Variants in BMP1 observed in about 807,000 individuals in gnomAD.
The protein encoded by BMP1 is mammalian tolloid protein.
In BMP1, 63 loss-of-function variants were observed where a neutral mutation model predicts 116.8. The ratio of observed to expected loss-of-function variants is 0.54; its 90% CI spans 0.44 to 0.67. BMP1 has a LOEUF of 0.67. BMP1 is among the 30% of genes least tolerant of loss of function. BMP1 has a pLI of 0.00. For synonymous variants in BMP1, 536 were observed against 533.4 expected, an observed-to-expected ratio of 1.00 and a Z score of -0.07; for missense variants, 1,183 against 1,358.9, an observed-to-expected ratio of 0.87 and a Z score of 2.04.
chr8:22,169,481 GTGTT>G (rs1217717862), intron 1 of BMP1: 1 of 152,300 alleles, frequency 6.6e-6, no homozygotes, highest in Non-Finnish European at 1.5e-5. Flanking sequence ...GGTTGAGTGT[GTGTT>G]TGTGCATATG....
intron 16 of BMP1, among the ~76,000 whole-genome samples, chr8:22,203,260 G>A (rs1004425974): frequency 2.6e-5 from 4 of 151,918 alleles, no homozygotes; most frequent in East Asian, 1.9e-4. Flanking sequence ...TCCATGAAAC[G>A]ATAAAAAATG....
chr8:22,179,941 T>C lies in BMP1; in HGVS notation c.961+112T>C. ...TTAGGCTGCAAGTCTTAGAGAATGG[T>C]GTGGCGGGGGAGGGGACCCCATAGG... On this transcript the variant is annotated intron_variant, in intron 7 of 19. Coordinates refer to ENST00000306385, the MANE Select transcript of BMP1 (RefSeq NM_006129.5). This position sits in a 1 kb window ranked among gnomAD's most constrained non-coding sequence, Gnocchi z 4.6. 1 of 1,229,702 alleles carries C rather than the reference T, an allele frequency of 8.1e-7. No individual in the cohort carries two copies. The highest frequency in any genetic ancestry group is 1.1e-6 in the Non-Finnish European group (1 of 894,054). 76.2% of individuals were successfully genotyped at this position (1,229,702 alleles called of 1,614,324 possible).
chr8:22,168,816 T>G (rs2131837222), intron 1 of BMP1, among the ~76,000 whole-genome samples: 1 of 149,144 alleles, frequency 6.7e-6, no homozygotes, highest in Admixed American at 6.7e-5. Context: ...AAATTTGTAC[T>G]CTCCCTGGGC....
In BMP1 at chr8:22,195,531, A is replaced by T. The variant is rs772135700; in HGVS notation, c.1709A>T (p.Tyr570Phe). 6.2e-7 allele frequency: 1 copy of T among 1,612,692 alleles called. No homozygotes were observed. The highest frequency in any genetic ancestry group is 8.5e-7 in the Non-Finnish European group (1 of 1,179,760). The part of the protein sequence containing the change: ...EQRCLNTLGS[Y>F]KCSCDPGYEL... ...CGGTGCCTCAACACCCTGGGCAGCT[A>T]CAAGTGCAGCTGTGACCCCGGGTAC... Residue 570 changes from tyrosine (Y) to phenylalanine (F), a missense_variant, in exon 13 of 20, where the codon TAC (tyrosine) becomes TTC (phenylalanine). By Grantham distance (22) the Tyr-to-Phe change is conservative. Around this residue, in one of 4 missense-constraint regions of BMP1, gnomAD observed 956 missense variants for 1,135.2 expected, o/e 0.84. Coordinates refer to ENST00000306385, the MANE Select transcript of BMP1 (RefSeq NM_006129.5).
chr8:22,199,312 C>T (rs761223560), intron 15 of BMP1: 7 of 1,360,112 alleles, frequency 5.1e-6, no homozygotes, highest in Non-Finnish European at 6.9e-6. Flanking sequence ...AGACCCTAAG[C>T]CAAGAAGGAG....
intron 5 of BMP1, 121 bp downstream of exon 5, chr8:22,177,260 C>G (rs1828473532): frequency 9.3e-7 from 1 of 1,071,738 alleles, no homozygotes; most frequent in African/African-American, 1.6e-5. Context: ...GCCCGCAGCG[C>G]TGCCCACAGC....
chr8:22,183,420 C>A (rs542652683), intron 8 of BMP1, among the ~76,000 whole-genome samples: 6 of 152,154 alleles, frequency 3.9e-5, no homozygotes, highest in Admixed American at 2.6e-4. Flanking sequence ...TGTCTCAAAA[C>A]AACAACAAAA....
chr8:22,211,932 AG>A lies in BMP1; in HGVS notation c.*208del. 1.4e-6 allele frequency: 1 copy of A among 713,768 alleles called. No homozygotes were observed. Among genetic ancestry groups the A allele is most frequent in the Admixed American group, 2.9e-5 (1 of 34,982 alleles). The allele number at this position is 713,768 out of a possible 1,614,324, so 44.2% of individuals were successfully genotyped here. A position where few individuals can be genotyped will look rare whatever the true frequency, so the allele number is the denominator to read the frequency against. On this transcript the variant is annotated 3_prime_UTR_variant, in exon 20 of 20. Transcript: ENST00000306385. ...ACTTCCCCACAAACCCCCACCAGCA[AG>A]GGGCTGGGGCCAGGGAGCAGAGCTT...
chr8:22,211,493 C>A, intron 19 of BMP1, 101 bp from the exon 20 acceptor site: 1 of 1,522,078 alleles, frequency 6.6e-7, no homozygotes. Context: ...CTGGTGGCTG[C>A]CTGGGAGCCT....
chr8:22,188,180 T>G (rs569655276), intron 8 of BMP1, among the ~76,000 whole-genome samples: 464 of 148,566 alleles, frequency 3.1e-3, no homozygotes, highest in African/African-American at 0.01. Flanking sequence ...GTTTTGGGTT[T>G]TTTTTTTTTT....
At chr8:22,166,813 C>T (rs1306015948) in intron 1 of BMP1, among the ~76,000 whole-genome samples, 1 of 152,150 alleles carries the variant, frequency 6.6e-6, no homozygotes, top group East Asian at 1.9e-4. Context: ...TGCGGGTAAA[C>T]CAGGACATTT....
intron 9 of BMP1, among the ~76,000 whole-genome samples, chr8:22,192,846 C>A (rs774319490): frequency 6.6e-6 from 1 of 152,184 alleles, no homozygotes; most frequent in Admixed American, 6.5e-5. Flanking sequence ...CCTAGCTGGA[C>A]GTGATCGTAA....
chr8:22,202,996 T>C (rs989260923), intron 16 of BMP1, among the ~76,000 whole-genome samples: 3 of 150,198 alleles, frequency 2.0e-5, no homozygotes, highest in Non-Finnish European at 3.0e-5. Context: ...GGTGACAGAG[T>C]GGGAAAAAAC....
intron 8 of BMP1, among the ~76,000 whole-genome samples, chr8:22,184,210 T>C (rs1828703846): frequency 6.6e-6 from 1 of 152,238 alleles, no homozygotes; most frequent in Non-Finnish European, 1.5e-5. Flanking sequence ...GGCACGCTAC[T>C]TACCTTCCTG....
chr8:22,201,317 C>A, intron 15 of BMP1: 1 of 1,508,042 alleles, frequency 6.6e-7, no homozygotes, highest in East Asian at 2.3e-5. Context: ...TTCCGGCCCA[C>A]CTCCCTCTGG....
chr8:22,195,389 A>G (rs1253476727), intron 12 of BMP1, 73 bp from the exon 13 acceptor site: 1 of 1,536,088 alleles, frequency 6.5e-7, no homozygotes, highest in Non-Finnish European at 8.7e-7. Flanking sequence ...GGCTGAGTGG[A>G]CAAGTGAGGC....
At position 22,209,499 on chromosome 8, in the gene BMP1, C is replaced by A; in HGVS notation, c.2630C>A (p.Ala877Asp). The A allele has an allele frequency of 2.5e-6, 4 of 1,614,234 alleles. No individual in the cohort carries two copies. The highest frequency in any genetic ancestry group is 3.4e-6 in the Non-Finnish European group (4 of 1,180,038). ...AAGACCAAGGACCTTTACTCCCACGCCCAGTTTGGCGACAACAACTACCCT... is the reference window on the plus strand; with the variant it reads ...AAGACCAAGGACCTTTACTCCCACGACCAGTTTGGCGACAACAACTACCCT... ...DVKTKDLYSHAQFGDNNYPGG... is the reference protein window; with the variant it reads ...DVKTKDLYSHDQFGDNNYPGG... The change falls in exon 19 of 20, where the codon GCC (alanine) becomes GAC (aspartate). Residue 877 changes from alanine to aspartate, a missense_variant. Around this residue, in one of 4 missense-constraint regions of BMP1, gnomAD observed 956 missense variants for 1,135.2 expected, o/e 0.84. Transcript: ENST00000306385.
chr8:22,185,602 C>T (rs116046249), intron 8 of BMP1, among the ~76,000 whole-genome samples: 1 of 152,072 alleles, frequency 6.6e-6, no homozygotes, highest in East Asian at 1.9e-4. Context: ...TGATATGCTA[C>T]GTGTTCTTCA....
At chr8:22,184,638 G>C (rs7819541) in intron 8 of BMP1, among the ~76,000 whole-genome samples, 2 of 152,008 alleles carry the variant, frequency 1.3e-5, no homozygotes, top group African/African-American at 4.8e-5. Flanking sequence ...TTAACAATCA[G>C]GTACCACGGA....
Sources: allele counts gnomAD v4.1 joint callset (sites outside exome capture counted in the v4.1 genomes callset), GRCh38; gene constraint gnomAD v4.1.1; regional missense constraint gnomAD v4.1.1; non-coding constraint Gnocchi (gnomAD v3.1); transcripts MANE v1.5; gene names NCBI Gene and HGNC (gene_info 2026-07-23, HGNC 2026-07-21).